The following CAMK1G variants were observed in gnomAD, a reference collection of about 807,000 sequenced individuals.
The protein encoded by CAMK1G is calcium/calmodulin-dependent protein kinase type 1G.
In CAMK1G, 27 loss-of-function variants were observed where a neutral mutation model predicts 54.8. The observed-to-expected ratio is 0.49, with a 90% CI of 0.36 to 0.68. The LOEUF is 0.68. CAMK1G is among the 30% of genes least tolerant of loss of function. The pLI is 0.00. For synonymous variants in CAMK1G, 238 were observed against 224.9 expected (o/e 1.06, Z -0.52); for missense variants, 512 against 591.0 (o/e 0.87, Z 1.39).
chr1:209,591,054 C>A (rs1665234551), intron 1 of CAMK1G, among the ~76,000 whole-genome samples: 1 of 151,902 alleles, frequency 6.6e-6, no homozygotes, highest in South Asian at 2.1e-4. Context: ...GACTCAGGAT[C>A]TACAGAAGGG....
At chr1:209,603,575 G>A (rs969642205) in intron 4 of CAMK1G, among the ~76,000 whole-genome samples, 6 of 152,014 alleles carry the variant, frequency 3.9e-5, no homozygotes, top group African/African-American at 1.2e-4. Flanking sequence ...AAATAGCTGC[G>A]ACCCCAACCC....
chr1:209,597,027 C>G (rs1440918549), intron 2 of CAMK1G, among the ~76,000 whole-genome samples: 1 of 152,116 alleles, frequency 6.6e-6, no homozygotes, highest in African/African-American at 2.4e-5. Flanking sequence ...AGGCATGTCA[C>G]AGCTGTTGCA....
At chr1:209,612,681 G>C in intron 11 of CAMK1G, 104 bp from the exon 12 acceptor site, 1 of 887,254 alleles carries the variant, frequency 1.1e-6, no homozygotes, top group Non-Finnish European at 1.9e-6. Context: ...TGAGGGGAGA[G>C]CTGAGTGGAT....
intron 1 of CAMK1G, 126 bp downstream of exon 1, chr1:209,583,898 A>C (rs1665025533): frequency 6.6e-6 from 1 of 152,258 alleles, no homozygotes; most frequent in South Asian, 2.1e-4. Context: ...TTTCAGCCCC[A>C]GTTCCAGTCT....
intron 1 of CAMK1G, among the ~76,000 whole-genome samples, chr1:209,586,959 G>A (rs1571769289): frequency 6.6e-6 from 1 of 152,214 alleles, no homozygotes; most frequent in East Asian, 1.9e-4. Flanking sequence ...AAACTTAAAT[G>A]TAGGTTTGCG....
At chr1:209,584,166 C>G (rs1003662913) in intron 1 of CAMK1G, among the ~76,000 whole-genome samples, 1 of 152,178 alleles carries the variant, frequency 6.6e-6, no homozygotes, top group Non-Finnish European at 1.5e-5. Flanking sequence ...CTCTCTTGCA[C>G]CCCTCCCTCC....
At chr1:209,596,595 C>A (rs1665388096) in intron 2 of CAMK1G, among the ~76,000 whole-genome samples, 1 of 151,928 alleles carries the variant, frequency 6.6e-6, no homozygotes, top group South Asian at 2.1e-4. Flanking sequence ...CGTCAGTATA[C>A]CCACCATCTA....
chr1:209,612,717 T>C, intron 11 of CAMK1G, 68 bp from the exon 12 acceptor site: 1 of 1,337,258 alleles, frequency 7.5e-7, no homozygotes, highest in Non-Finnish European at 1.1e-6. Context: ...AACTACCACC[T>C]CTGCCCTGCC....
At chr1:209,596,837 GAAC>G (rs1012939458) in intron 2 of CAMK1G, among the ~76,000 whole-genome samples, 8 of 152,138 alleles carry the variant, frequency 5.3e-5, no homozygotes, top group South Asian at 2.1e-4. Context: ...TCAAGAAAGT[GAAC>G]AACAATTCCT....
intron 5 of CAMK1G, 118 bp downstream of exon 5, chr1:209,605,792 C>T (rs2235449): frequency 0.16 from 158,562 of 967,086 alleles, 14,414 homozygotes; most frequent in African/African-American, 0.3. Context: ...TCCCAAGGCC[C>T]CTTCTGCCCT....
At chr1:209,611,237 T>C (rs765246957) in intron 9 of CAMK1G, among the ~76,000 whole-genome samples, 3 of 152,250 alleles carry the variant, frequency 2.0e-5, no homozygotes, top group Non-Finnish European at 4.4e-5. Context: ...CTATAGGCTA[T>C]AGCTTGTTGA....
intron 4 of CAMK1G, among the ~76,000 whole-genome samples, chr1:209,603,643 G>A (rs935023021): frequency 6.6e-6 from 1 of 152,154 alleles, no homozygotes; most frequent in Non-Finnish European, 1.5e-5. Flanking sequence ...ACGACCGAAG[G>A]GGTAATGCCA....
intron 2 of CAMK1G, 134 bp from the exon 3 acceptor site, chr1:209,599,849 G>A: frequency 9.6e-7 from 1 of 1,045,620 alleles, no homozygotes. Context: ...GTTTCTTCCA[G>A]ATTTAAATTC....
At chr1:209,584,537 T>A (rs1665045461) in intron 1 of CAMK1G, among the ~76,000 whole-genome samples, 1 of 151,838 alleles carries the variant, frequency 6.6e-6, no homozygotes, top group African/African-American at 2.4e-5. Context: ...GAGGTCTGGA[T>A]TCACCACCAC....
At chr1:209,595,106 C>T (rs1307435488) in intron 2 of CAMK1G, 31 bp downstream of exon 2, 1 of 1,520,556 alleles carries the variant, frequency 6.6e-7, no homozygotes. Context: ...GTCGGGTGGG[C>T]TGGGCTGCCT....
rs557455700 is a variant in CAMK1G at position 209,607,078 on chromosome 1, G to A, written c.559+635G>A. Among the ~76,000 whole-genome samples, 6 of 152,130 alleles carry A rather than the reference G, an allele frequency of 3.9e-5. No individual in the cohort carries two copies. In the South Asian group the frequency reaches 1.2e-3, roughly 32 times the overall value. On this transcript the variant is annotated intron_variant, in intron 6 of 12. Transcript: ENST00000361322. The stretch of plus-strand genomic sequence containing the variant: ...GTTGAAACTCAGAGCATCCGCTCCT[G>A]TCCCTTCCCACTTCACCAGTCGTCA...
chr1:209,591,299 C>A (rs1408491602), intron 1 of CAMK1G, among the ~76,000 whole-genome samples: 1 of 152,180 alleles, frequency 6.6e-6, no homozygotes, highest in Non-Finnish European at 1.5e-5. Flanking sequence ...AAGACCCAAA[C>A]ACAAGCTACC....
At chr1:209,602,340 T>C (rs182744795) in intron 3 of CAMK1G, among the ~76,000 whole-genome samples, 212 of 152,262 alleles carry the variant, frequency 1.4e-3, no homozygotes, top group African/African-American at 5.0e-3. Context: ...TAGTCCCTGG[T>C]TGAGAATCAC....
intron 6 of CAMK1G, 99 bp downstream of exon 6, chr1:209,606,542 C>G: frequency 7.5e-7 from 1 of 1,336,952 alleles, no homozygotes; most frequent in Non-Finnish European, 1.0e-6. Flanking sequence ...TAGGGTTCAA[C>G]TTCAGGGGCT....
Sources: gnomAD v4.1 joint callset for allele counts (sites outside exome capture counted in the v4.1 genomes callset) on GRCh38, gnomAD v4.1.1 for gene constraint, MANE v1.5 for transcripts, NCBI Gene and HGNC (gene_info 2026-07-23, HGNC 2026-07-21) for gene names.